Variants in CUX2 observed in about 807,000 individuals in gnomAD.
CUX2 encodes the protein cut like homeobox 2, also known as homeobox protein cut-like 2.
A neutral mutation model predicts 144.8 loss-of-function variants in CUX2; 40 were observed. The observed-to-expected ratio is 0.28, with a 90% CI of 0.21 to 0.36. CUX2 has a LOEUF of 0.36. CUX2 is among the 10% of genes least tolerant of loss of function. The pLI, the probability that CUX2 is intolerant of heterozygous loss-of-function variation, is 1.00. For synonymous variants in CUX2, 827 were observed against 875.6 expected, an observed-to-expected ratio of 0.94 and a Z score of 0.98; for missense variants, 1,615 against 1,994.0, an observed-to-expected ratio of 0.81 and a Z score of 3.62.
chr12:111,048,232 C>G (rs1230301203), intron 1 of CUX2, among the ~76,000 whole-genome samples: 1 of 152,122 alleles, frequency 6.6e-6, no homozygotes, highest in East Asian at 1.9e-4. Flanking sequence ...CTGGGTTCAG[C>G]CTGATAGGAA....
At chr12:111,188,224 T>G (rs1479966430) in intron 1 of CUX2, among the ~76,000 whole-genome samples, 2 of 152,238 alleles carry the variant, frequency 1.3e-5, no homozygotes, top group Non-Finnish European at 2.9e-5. Flanking sequence ...ATAGACAGGT[T>G]ACTAACACAA....
intron 1 of CUX2, among the ~76,000 whole-genome samples, chr12:111,091,022 C>T (rs1262468104): frequency 6.6e-6 from 1 of 152,168 alleles, no homozygotes; most frequent in Non-Finnish European, 1.5e-5. Flanking sequence ...GGAGTGAAAT[C>T]TGACAGAGTG....
At chr12:111,169,875 AG>A (rs1878406678) in intron 1 of CUX2, among the ~76,000 whole-genome samples, 1 of 151,742 alleles carries the variant, frequency 6.6e-6, no homozygotes, top group Non-Finnish European at 1.5e-5. Flanking sequence ...GTGGCAGGCC[AG>A]GGTGGTCCAG....
intron 21 of CUX2, among the ~76,000 whole-genome samples, chr12:111,342,456 G>T (rs1032161997): frequency 6.6e-6 from 1 of 151,922 alleles, no homozygotes; most frequent in Admixed American, 6.6e-5. Flanking sequence ...ACTCCAGCCG[G>T]GGCGACAGAG....
At chr12:111,058,570 A>G (rs1870631021) in intron 1 of CUX2, among the ~76,000 whole-genome samples, 1 of 152,024 alleles carries the variant, frequency 6.6e-6, no homozygotes, top group Non-Finnish European at 1.5e-5. Context: ...AGAGAGAGAC[A>G]GACAGACAGA....
chr12:111,188,007 A>G (rs1045992767), intron 1 of CUX2, among the ~76,000 whole-genome samples: 5 of 152,204 alleles, frequency 3.3e-5, no homozygotes, highest in Admixed American at 1.3e-4. Flanking sequence ...TACGTCCCTC[A>G]AGGACATATT....
At chr12:111,145,366 T>C (rs1252153522) in intron 1 of CUX2, among the ~76,000 whole-genome samples, 1 of 152,184 alleles carries the variant, frequency 6.6e-6, no homozygotes, top group Non-Finnish European at 1.5e-5. Context: ...TTAAGCTTCA[T>C]TCATTTATCC....
At chr12:111,342,694 C>T (rs1294672076) in intron 21 of CUX2, among the ~76,000 whole-genome samples, 5 of 151,742 alleles carry the variant, frequency 3.3e-5, no homozygotes, top group Non-Finnish European at 7.4e-5. Context: ...CGCGGTGGCT[C>T]ACACCTGTAA....
At chr12:111,106,578 G>C (rs1873618989) in intron 1 of CUX2, among the ~76,000 whole-genome samples, 1 of 152,196 alleles carries the variant, frequency 6.6e-6, no homozygotes, top group Non-Finnish European at 1.5e-5. Context: ...TTACAGGTGT[G>C]CACCACCATA....
intron 1 of CUX2, among the ~76,000 whole-genome samples, chr12:111,082,919 G>C (rs1407094437): frequency 6.6e-6 from 1 of 152,148 alleles, no homozygotes; most frequent in African/African-American, 2.4e-5. Context: ...GGGAGCCATG[G>C]AGGACATTTG....
rs1014884714 is a variant in CUX2 at position 111,178,150 on chromosome 12, T to C, written c.64-36050T>C. ...GTCTGTCTGTGTCTAGAAGAAGAGA[T>C]TCCAAGATGATCTATTTTATGTGAT... On this transcript the variant is annotated intron_variant, in intron 1 of 21. Coordinates refer to ENST00000261726, the MANE Select transcript of CUX2 (RefSeq NM_015267.4). The surrounding 1 kb of genome is among the most constrained non-coding windows in gnomAD (Gnocchi z 5.7). Among the ~76,000 whole-genome samples, 7 of 152,136 alleles carry C rather than the reference T, an allele frequency of 4.6e-5. No individual in the cohort carries two copies. The highest frequency in any genetic ancestry group is 1.7e-4 in the African/African-American group (7 of 41,422).
intron 2 of CUX2, among the ~76,000 whole-genome samples, chr12:111,216,187 C>T (rs1161784961): frequency 2.6e-5 from 4 of 152,220 alleles, no homozygotes; most frequent in Admixed American, 1.3e-4. Flanking sequence ...TGCTCAGATA[C>T]TTGAGTGTGG....
chr12:111,112,670 C>T (rs1013485570), intron 1 of CUX2, among the ~76,000 whole-genome samples: 11 of 152,162 alleles, frequency 7.2e-5, no homozygotes, highest in Middle Eastern at 6.3e-3. Context: ...CTTAGGTAGC[C>T]GTACTCTGTC....
chr12:111,186,418 G>A lies in CUX2; in HGVS notation c.64-27782G>A, dbSNP rs1451142776. On this transcript the variant is annotated intron_variant, in intron 1 of 21. Coordinates refer to ENST00000261726, the MANE Select transcript of CUX2 (RefSeq NM_015267.4). This position sits in a 1 kb window ranked among gnomAD's most constrained non-coding sequence, Gnocchi z 4.4. ...CTTGTGGGGAAGGCTAAGTTGCTAT[G>A]ACGTTAAGCTGAGACCCGAAGCATA... Among the ~76,000 whole-genome samples the A allele has an allele frequency of 6.6e-6, 1 of 152,204 alleles. No individual in the cohort carries two copies. The highest frequency in any genetic ancestry group is 1.5e-5 in the Non-Finnish European group (1 of 68,036).
chr12:111,140,100 G>C (rs79120759), intron 1 of CUX2, among the ~76,000 whole-genome samples: 5,085 of 152,160 alleles, frequency 0.033, 285 homozygotes, highest in African/African-American at 0.12. Context: ...TCTTCCCTCT[G>C]CTGGCTCCAC....
intron 1 of CUX2, among the ~76,000 whole-genome samples, chr12:111,097,718 G>A (rs1872909543): frequency 6.6e-6 from 1 of 152,194 alleles, no homozygotes; most frequent in Non-Finnish European, 1.5e-5. Context: ...GGCGCTCAGA[G>A]TCAGGAGCCA....
intron 1 of CUX2, among the ~76,000 whole-genome samples, chr12:111,209,625 G>C (rs1881099125): frequency 6.6e-6 from 1 of 152,148 alleles, no homozygotes; most frequent in Non-Finnish European, 1.5e-5. Flanking sequence ...TGTTCTGAGT[G>C]CCTTGGAGGA....
At chr12:111,268,268 A>G (rs959354063) in intron 4 of CUX2, among the ~76,000 whole-genome samples, 8 of 151,012 alleles carry the variant, frequency 5.3e-5, no homozygotes, top group Middle Eastern at 7.1e-3. Flanking sequence ...TCTGTTTCCC[A>G]GGTTGAAGTA....
At chr12:111,149,904 A>G (rs187513428) in intron 1 of CUX2, among the ~76,000 whole-genome samples, 2 of 152,304 alleles carry the variant, frequency 1.3e-5, no homozygotes, top group East Asian at 3.9e-4. Flanking sequence ...TTTTGCTACA[A>G]AAAGGTCCTG....
Sources: allele counts gnomAD v4.1 joint callset (sites outside exome capture counted in the v4.1 genomes callset), GRCh38; gene constraint gnomAD v4.1.1; non-coding constraint Gnocchi (gnomAD v3.1); transcripts MANE v1.5; gene names NCBI Gene and HGNC (gene_info 2026-07-23, HGNC 2026-07-21).